Variants in SGCZ observed in about 807,000 individuals in gnomAD.
SGCZ encodes sarcoglycan zeta, also known as zeta-sarcoglycan.
Under a neutral mutation model 41.3 loss-of-function variants are expected in SGCZ, and 40 were observed. That is an observed-to-expected ratio of 0.97 (90% CI 0.75 to 1.26). The LOEUF is 1.26. Among genes scored for constraint, SGCZ ranks in the 50% most tolerant of loss-of-function variants. The pLI is 0.00. For missense variants in SGCZ, 552 were observed against 369.8 expected (o/e 1.49, Z -4.04); for synonymous variants, 206 against 137.5 (o/e 1.50, Z -3.49).
At chr8:14,865,284 G>C (rs969213682) in intron 1 of SGCZ, among the ~76,000 whole-genome samples, 18 of 151,888 alleles carry the variant, frequency 1.2e-4, no homozygotes, top group African/African-American at 3.4e-4. Context: ...AACTCTGCTG[G>C]AACTCTCAGA....
intron 1 of SGCZ, among the ~76,000 whole-genome samples, chr8:15,137,477 C>T (rs577359795): frequency 6.6e-6 from 1 of 152,330 alleles, no homozygotes; most frequent in Admixed American, 6.5e-5. Context: ...CTGGCAGCCC[C>T]TCCCATCACA....
At chr8:14,886,985 C>G (rs914144504) in intron 1 of SGCZ, among the ~76,000 whole-genome samples, 1 of 152,024 alleles carries the variant, frequency 6.6e-6, no homozygotes, top group African/African-American at 2.4e-5. Flanking sequence ...ATCAAGAGGT[C>G]AACGATGACG....
At chr8:14,857,544 G>A (rs115090064) in intron 1 of SGCZ, among the ~76,000 whole-genome samples, 2,425 of 152,196 alleles carry the variant, frequency 0.016, 33 homozygotes, top group African/African-American at 0.042. Context: ...AAGAACCTCA[G>A]AATCACCTAA....
chr8:14,553,316 T>C (rs1803930202), intron 2 of SGCZ, among the ~76,000 whole-genome samples: 1 of 151,972 alleles, frequency 6.6e-6, no homozygotes, highest in South Asian at 2.1e-4. Context: ...TAAGGGAGAA[T>C]GTACCTACAA....
intron 1 of SGCZ, among the ~76,000 whole-genome samples, chr8:14,577,689 C>T (rs1455961295): frequency 2.6e-5 from 4 of 152,008 alleles, no homozygotes; most frequent in African/African-American, 9.7e-5. Context: ...CGCCTGGCCC[C>T]ATTTTCAATA....
At chr8:14,915,080 C>A (rs1160336328) in intron 1 of SGCZ, among the ~76,000 whole-genome samples, 1 of 152,130 alleles carries the variant, frequency 6.6e-6, no homozygotes, top group Non-Finnish European at 1.5e-5. Flanking sequence ...TCATAACTCT[C>A]ATACTGCTTT....
At chr8:14,305,546 T>G (rs1801322641) in intron 3 of SGCZ, among the ~76,000 whole-genome samples, 1 of 152,320 alleles carries the variant, frequency 6.6e-6, no homozygotes, top group African/African-American at 2.4e-5. Context: ...TAAATTTAAC[T>G]AACAAATGTT....
intron 1 of SGCZ, among the ~76,000 whole-genome samples, chr8:14,894,084 T>G (rs1327195264): frequency 6.6e-6 from 1 of 152,176 alleles, no homozygotes; most frequent in Non-Finnish European, 1.5e-5. Flanking sequence ...TTTAATTAAT[T>G]GGCATTGATT....
chr8:14,142,109 T>G (rs11778510), intron 5 of SGCZ, among the ~76,000 whole-genome samples: 1 of 151,866 alleles, frequency 6.6e-6, no homozygotes, highest in African/African-American at 2.4e-5. Flanking sequence ...TAGGTGGGAA[T>G]TGAACAATGA....
At chr8:14,693,376 C>CT in intron 1 of SGCZ, among the ~76,000 whole-genome samples, 1 of 151,456 alleles carries the variant, frequency 6.6e-6, no homozygotes, top group South Asian at 2.1e-4. Flanking sequence ...ACTGCAACCT[C>CT]TGTCTCCTAG....
intron 2 of SGCZ, among the ~76,000 whole-genome samples, chr8:14,407,378 A>G (rs1282921202): frequency 6.6e-6 from 1 of 152,154 alleles, no homozygotes; most frequent in Non-Finnish European, 1.5e-5. Flanking sequence ...CATATTATAC[A>G]GATAAGAACA....
At position 15,031,454 on chromosome 8, in the gene SGCZ, T is replaced by C. The variant is rs139737570; in HGVS notation, c.39+206131A>G. Among the ~76,000 whole-genome samples, 535 of 152,308 alleles carry C rather than the reference T, an allele frequency of 3.5e-3. 1 individual carries two copies. The highest frequency in any genetic ancestry group is 0.024 in the Middle Eastern group (7 of 294). The stretch of plus-strand genomic sequence containing the variant: ...CTAAGATCCAGGGAAACAAAATCCA[T>C]ACTATCAATGATAGCTAACATTTAT... On this transcript the variant is annotated intron_variant, in intron 1 of 7. Coordinates refer to ENST00000382080, the MANE Select transcript of SGCZ (RefSeq NM_139167.4).
chr8:14,763,354 C>T (rs1389257034), intron 1 of SGCZ, among the ~76,000 whole-genome samples: 1 of 152,112 alleles, frequency 6.6e-6, no homozygotes, highest in African/African-American at 2.4e-5. Flanking sequence ...ATTACTGAAA[C>T]AAGCCACAGA....
chr8:14,766,212 G>C lies in SGCZ; in HGVS notation c.40-211286C>G, dbSNP rs111454457. The stretch of plus-strand genomic sequence containing the variant: ...TGACCTCAGGTGATCCGCCCGCCTC[G>C]ACTTCCCAAAGTGCTGTGATTACAG... On this transcript the variant is annotated intron_variant, in intron 1 of 7. Transcript: ENST00000382080. 4.3e-3 allele frequency among the ~76,000 whole-genome samples: 660 copies of C among 152,100 alleles called. 8 individuals carry two copies. The highest frequency in any genetic ancestry group is 0.015 in the African/African-American group (627 of 41,536).
chr8:14,897,656 A>G lies in SGCZ; in HGVS notation c.39+339929T>C, dbSNP rs60094435. On this transcript the variant is annotated intron_variant, in intron 1 of 7. Coordinates refer to ENST00000382080, the MANE Select transcript of SGCZ (RefSeq NM_139167.4). ...CCCTGGAGATCATAAGGCATAATTCATATGTCCCTGCATAGACTATACTAG... is the reference window on the plus strand; with the variant it reads ...CCCTGGAGATCATAAGGCATAATTCGTATGTCCCTGCATAGACTATACTAG... Among the ~76,000 whole-genome samples, 724 of 152,304 alleles carry G rather than the reference A, an allele frequency of 4.8e-3. 4 individuals are homozygous for G. The highest frequency in any genetic ancestry group is 0.017 in the African/African-American group (694 of 41,578).
At chr8:14,490,961 C>T (rs1044723003) in intron 2 of SGCZ, among the ~76,000 whole-genome samples, 12 of 152,078 alleles carry the variant, frequency 7.9e-5, no homozygotes, top group African/African-American at 2.9e-4. Flanking sequence ...TTTTATATAC[C>T]GATATTCATC....
Position 14,865,351 on chromosome 8 carries a change from C to T in SGCZ, c.40-310425G>A, listed in dbSNP as rs575195947. Among the ~76,000 whole-genome samples the T allele has an allele frequency of 3.9e-5, 6 of 152,120 alleles. No homozygotes were observed. The East Asian group carries it at 1.2e-3, about 30-fold the overall frequency. ...TCTTTTTTCCACTGCATTTCTTCTT[C>T]CTAAAAAGCTCCCTACCTCACCTTC... On this transcript the variant is annotated intron_variant, in intron 1 of 7. Transcript: ENST00000382080.
chr8:14,383,131 G>A (rs1380062402), intron 2 of SGCZ, among the ~76,000 whole-genome samples: 2 of 152,124 alleles, frequency 1.3e-5, no homozygotes, highest in African/African-American at 4.8e-5. Context: ...CAAATACAAA[G>A]TCTGCAGTAG....
chr8:15,123,590 G>A (rs1325652943), intron 1 of SGCZ, among the ~76,000 whole-genome samples: 1 of 152,130 alleles, frequency 6.6e-6, no homozygotes, highest in Non-Finnish European at 1.5e-5. Flanking sequence ...TTAGTTGATA[G>A]CAAGAACCTG....
Sources: allele counts gnomAD v4.1 joint callset (sites outside exome capture counted in the v4.1 genomes callset), GRCh38; gene constraint gnomAD v4.1.1; transcripts MANE v1.5; gene names NCBI Gene and HGNC (gene_info 2026-07-23, HGNC 2026-07-21).